GALNT17: variants seen among roughly 807,000 people sequenced by gnomAD.
GALNT17 encodes UDP-GalNAc:polypeptide N-acetylgalactosaminyltransferase-like 3.
In GALNT17, 29 loss-of-function variants were observed where a neutral mutation model predicts 63.7. The ratio of observed to expected loss-of-function variants is 0.46; its 90% CI spans 0.34 to 0.62. GALNT17 has a LOEUF of 0.62. Ranked by LOEUF, GALNT17 falls within the 20% of genes least tolerant of loss-of-function variation. The pLI is 0.01. For missense variants in GALNT17, 603 were observed against 799.6 expected (o/e 0.75, Z 2.97); for synonymous variants, 305 against 318.3 (o/e 0.96, Z 0.45).
At position 71,356,334 on chromosome 7, in the gene GALNT17, A is replaced by T. The variant is rs116406877; in HGVS notation, c.422+20601A>T. On this transcript the variant is annotated intron_variant, in intron 2 of 10. Coordinates refer to ENST00000333538, the MANE Select transcript of GALNT17 (RefSeq NM_022479.3). Reference sequence around the variant, plus strand: ...GGGACCATTGTCTGTTAGTGTCACAAGTACGGTGCCTTTGTCTGTGTTGCT... The same window carrying T: ...GGGACCATTGTCTGTTAGTGTCACATGTACGGTGCCTTTGTCTGTGTTGCT... 3.7e-3 allele frequency among the ~76,000 whole-genome samples: 571 copies of T among 152,284 alleles called. 3 individuals are homozygous for T. Among genetic ancestry groups the T allele is most frequent in the African/African-American group, 0.013 (536 of 41,586 alleles).
At chr7:71,281,989 C>G (rs571687351) in intron 1 of GALNT17, among the ~76,000 whole-genome samples, 2 of 152,280 alleles carry the variant, frequency 1.3e-5, no homozygotes, top group South Asian at 2.1e-4. Flanking sequence ...CAGGTTGCTT[C>G]TATGTGTTAA....
intron 1 of GALNT17, among the ~76,000 whole-genome samples, chr7:71,157,327 C>G (rs1788254266): frequency 6.6e-6 from 1 of 151,406 alleles, no homozygotes; most frequent in African/African-American, 2.4e-5. Flanking sequence ...AAATTCCTGG[C>G]CTCTAGTAGA....
intron 9 of GALNT17, among the ~76,000 whole-genome samples, chr7:71,684,845 TG>T (rs1394709522): frequency 6.6e-6 from 1 of 152,044 alleles, no homozygotes; most frequent in Non-Finnish European, 1.5e-5. Context: ...TCAGTTTTTT[TG>T]TAAAGATGGG....
At chr7:71,607,745 A>G (rs548755026) in intron 6 of GALNT17, among the ~76,000 whole-genome samples, 19 of 152,250 alleles carry the variant, frequency 1.2e-4, no homozygotes, top group African/African-American at 4.3e-4. Context: ...GAGAAAAAAA[A>G]CCCCACAGAT....
intron 1 of GALNT17, among the ~76,000 whole-genome samples, chr7:71,216,551 A>G (rs1269205422): frequency 6.6e-6 from 1 of 151,850 alleles, no homozygotes; most frequent in Non-Finnish European, 1.5e-5. Context: ...TATATTATAC[A>G]TATGTAACAC....
At chr7:71,188,320 G>T (rs1374747944) in intron 1 of GALNT17, among the ~76,000 whole-genome samples, 2 of 152,138 alleles carry the variant, frequency 1.3e-5, no homozygotes, top group Non-Finnish European at 1.5e-5. Flanking sequence ...TTCCATGGTG[G>T]TTGTATGATT....
chr7:71,259,221 C>T (rs1203424678), intron 1 of GALNT17, among the ~76,000 whole-genome samples: 2 of 152,074 alleles, frequency 1.3e-5, no homozygotes, highest in Non-Finnish European at 2.9e-5. Context: ...AGGCTTGGAT[C>T]AAAGCTGCAG....
chr7:71,223,588 G>C (rs1488127987), intron 1 of GALNT17, among the ~76,000 whole-genome samples: 1 of 151,738 alleles, frequency 6.6e-6, no homozygotes, highest in Admixed American at 6.6e-5. Flanking sequence ...AGGGGTACAT[G>C]TGAAGGTTTG....
intron 1 of GALNT17, among the ~76,000 whole-genome samples, chr7:71,204,907 G>C (rs375983984): frequency 1.4e-4 from 21 of 151,838 alleles, no homozygotes; most frequent in African/African-American, 4.8e-4. Flanking sequence ...CACCATGCCT[G>C]GTAAATTTTT....
intron 2 of GALNT17, among the ~76,000 whole-genome samples, chr7:71,380,247 G>A (rs1792819798): frequency 1.3e-5 from 2 of 152,016 alleles, no homozygotes; most frequent in Admixed American, 6.6e-5. Flanking sequence ...AGGTAAAGAA[G>A]GGAGACAGGG....
At chr7:71,680,664 TTTC>T (rs1291621399) in intron 9 of GALNT17, among the ~76,000 whole-genome samples, 2 of 33,856 alleles carry the variant, frequency 5.9e-5, no homozygotes, top group African/African-American at 1.8e-4. Context: ...CCTTCCTTCC[TTTC>T]TTCCTTTCCT....
At chr7:71,259,204 A>G (rs1266875441) in intron 1 of GALNT17, among the ~76,000 whole-genome samples, 1 of 152,176 alleles carries the variant, frequency 6.6e-6, no homozygotes. Flanking sequence ...ATACCCAGAA[A>G]TGTCAAAGGC....
At chr7:71,273,958 G>A (rs1177375557) in intron 1 of GALNT17, among the ~76,000 whole-genome samples, 3 of 152,226 alleles carry the variant, frequency 2.0e-5, no homozygotes, top group African/African-American at 7.2e-5. Flanking sequence ...TTTCAGGGAT[G>A]TGCACCCACA....
chr7:71,639,783 G>T (rs1235597299), intron 6 of GALNT17, among the ~76,000 whole-genome samples: 30 of 152,184 alleles, frequency 2.0e-4, no homozygotes, highest in Non-Finnish European at 2.9e-5. Context: ...ATTGTTCTTG[G>T]TTGCAACTTG....
Position 71,648,931 on chromosome 7 carries a change from T to C in GALNT17, c.1081-16480T>C, listed in dbSNP as rs575990920. Reference sequence around the variant, plus strand: ...CTTTCTGTAATGTCATGCCATACAATGAAATAACAAAAGGGTTTGTGGAAA... The same window carrying C: ...CTTTCTGTAATGTCATGCCATACAACGAAATAACAAAAGGGTTTGTGGAAA... On this transcript the variant is annotated intron_variant, in intron 6 of 10. Transcript: ENST00000333538. Among the ~76,000 whole-genome samples, 10 of 152,310 alleles carry C rather than the reference T, an allele frequency of 6.6e-5. No homozygotes were observed. The South Asian group carries it at 2.1e-3, about 32-fold the overall frequency.
intron 6 of GALNT17, among the ~76,000 whole-genome samples, chr7:71,632,595 G>C (rs1321608377): frequency 6.6e-6 from 1 of 152,120 alleles, no homozygotes; most frequent in Non-Finnish European, 1.5e-5. Context: ...TTGGGGACAA[G>C]GATGAGGAGA....
rs1219751607 is a variant in GALNT17 at position 71,259,638 on chromosome 7, G to GT, written c.239-75905dup. On this transcript the variant is annotated intron_variant, in intron 1 of 10. Transcript: ENST00000333538. ...AGATCTTGGTCCTGTTTTGTTTTTT[G>GT]TTTTTTTGTTTTTTTTTTTTTGAGA... Among the ~76,000 whole-genome samples the GT allele has an allele frequency of 1.3e-3, 176 of 137,996 alleles. 10 individuals carry two copies. The highest frequency in any genetic ancestry group is 3.6e-3 in the African/African-American group (127 of 35,064). The allele number at this position is 137,996 out of a possible 152,430, so 90.5% of individuals were successfully genotyped here. A position where few individuals can be genotyped will look rare whatever the true frequency, so the allele number is the denominator to read the frequency against.
intron 6 of GALNT17, among the ~76,000 whole-genome samples, chr7:71,655,466 G>A (rs1176677709): frequency 6.6e-6 from 1 of 152,160 alleles, no homozygotes; most frequent in African/African-American, 2.4e-5. Context: ...CAACACCGGG[G>A]TAGGCAGCCT....
chr7:71,148,389 A>G (rs1241750184), intron 1 of GALNT17, among the ~76,000 whole-genome samples: 2 of 152,160 alleles, frequency 1.3e-5, no homozygotes, highest in African/African-American at 4.8e-5. Flanking sequence ...CAGGAAAGAA[A>G]ATGTTTTCCA....
Sources: gnomAD v4.1 joint callset for allele counts (sites outside exome capture counted in the v4.1 genomes callset) on GRCh38, gnomAD v4.1.1 for gene constraint, MANE v1.5 for transcripts, NCBI Gene and HGNC (gene_info 2026-07-23, HGNC 2026-07-21) for gene names.